Variants in MCMBP observed in about 807,000 individuals in gnomAD.
The protein encoded by MCMBP is mini-chromosome maintenance complex-binding protein.
MCMBP carries 31 observed loss-of-function variants against 81.3 expected under a neutral mutation model. The observed-to-expected ratio is 0.38, with a 90% CI of 0.29 to 0.51. The LOEUF is 0.51. MCMBP is among the 20% of genes least tolerant of loss of function. The probability of loss-of-function intolerance (pLI) is 0.87; values close to 1 mark genes in which losing one functional copy is unlikely to be tolerated. For missense variants in MCMBP, 645 were observed against 772.1 expected (o/e 0.84, Z 1.95); for synonymous variants, 267 against 275.9 (o/e 0.97, Z 0.32).
intron 6 of MCMBP, among the ~76,000 whole-genome samples, chr10:119,849,793 T>C (rs1201723189): frequency 6.6e-6 from 1 of 151,450 alleles, no homozygotes; most frequent in Non-Finnish European, 1.5e-5. Context: ...AAATTTTACT[T>C]TTTTTTCCCT....
chr10:119,851,353 A>G (rs1934606096), intron 6 of MCMBP, among the ~76,000 whole-genome samples: 1 of 152,234 alleles, frequency 6.6e-6, no homozygotes. Context: ...AATAAAAAGT[A>G]GCATCAACTG....
At chr10:119,839,722 T>G (rs1564872648) in intron 11 of MCMBP, among the ~76,000 whole-genome samples, 1 of 152,242 alleles carries the variant, frequency 6.6e-6, no homozygotes, top group Non-Finnish European at 1.5e-5. Context: ...ATGGAAAGTT[T>G]ACGAATAGGA....
intron 12 of MCMBP, among the ~76,000 whole-genome samples, chr10:119,838,230 A>AAATATAT (rs1214780973): frequency 6.7e-6 from 1 of 148,262 alleles, no homozygotes; most frequent in African/African-American, 2.5e-5. Context: ...ATAATATATA[A>AAATATAT]AATATATAAT....
chr10:119,841,750 A>C (rs756602549), intron 10 of MCMBP, among the ~76,000 whole-genome samples: 6 of 152,262 alleles, frequency 3.9e-5, no homozygotes, highest in Admixed American at 1.3e-4. Context: ...ACTAGTTTTA[A>C]AATGAGAAAC....
At chr10:119,841,475 T>C (rs369728264) in intron 10 of MCMBP, among the ~76,000 whole-genome samples, 1 of 152,374 alleles carries the variant, frequency 6.6e-6, no homozygotes, top group African/African-American at 2.4e-5. Flanking sequence ...GGTTACAGTA[T>C]GGTACAACTG....
chr10:119,853,788 A>G (rs1176192159), intron 5 of MCMBP, among the ~76,000 whole-genome samples: 2 of 152,224 alleles, frequency 1.3e-5, no homozygotes, highest in Non-Finnish European at 2.9e-5. Context: ...CTCTGGAAGT[A>G]GTATAATACT....
chr10:119,868,508 T>C (rs948477936), intron 1 of MCMBP, among the ~76,000 whole-genome samples: 4 of 152,188 alleles, frequency 2.6e-5, no homozygotes, highest in Admixed American at 2.6e-4. Flanking sequence ...AATCAGTCTT[T>C]TCACTGCTTT....
Position 119,857,362 on chromosome 10 carries a change from A to G in MCMBP, c.405T>C (p.Pro135=). The G allele has an allele frequency of 2.5e-6, 4 of 1,609,852 alleles. No individual in the cohort carries two copies. The highest frequency in any genetic ancestry group is 2.2e-5 in the South Asian group (2 of 90,652). ...ERQTFYCVPV[P]GESTWVKEAY... Reference sequence around the variant, plus strand: ...TTTCTTTTACCCACGTAGATTCCCCAGGCACCGGAACACAATAGAAAGTCT... The same window carrying G: ...TTTCTTTTACCCACGTAGATTCCCCGGGCACCGGAACACAATAGAAAGTCT... Residue 135 remains proline (P), a synonymous_variant, in exon 5 of 16, where the codon CCT becomes CCC. Coordinates refer to ENST00000369077, the MANE Select transcript of MCMBP (RefSeq NM_001256378.2).
intron 11 of MCMBP, among the ~76,000 whole-genome samples, chr10:119,838,984 A>C (rs963374275): frequency 2.0e-5 from 3 of 152,242 alleles, no homozygotes; most frequent in Admixed American, 2.0e-4. Flanking sequence ...TAACTGACAT[A>C]TAAATATTAA....
rs752090852 is a variant in MCMBP, at chr10:119,857,328, T to A, written c.429+10A>T. 2 of 1,581,324 alleles carry A rather than the reference T, an allele frequency of 1.3e-6. No homozygotes were observed. The highest frequency in any genetic ancestry group is 1.7e-6 in the Non-Finnish European group (2 of 1,155,012). On this transcript the variant is annotated intron_variant, in intron 5 of 15. Coordinates refer to ENST00000369077, the MANE Select transcript of MCMBP (RefSeq NM_001256378.2). ...CATCAACACAGTAAGAAAGTTCAGA[T>A]AAAGGATATTTCTTTTACCCACGTA...
At chr10:119,844,167 T>C (rs1852537569) in intron 8 of MCMBP, among the ~76,000 whole-genome samples, 1 of 152,168 alleles carries the variant, frequency 6.6e-6, no homozygotes, top group African/African-American at 2.4e-5. Flanking sequence ...ATCTCTTATC[T>C]TGCTAATTGT....
chr10:119,873,261 G>C (rs141934452), upstream of MCMBP, among the ~76,000 whole-genome samples: 2 of 152,182 alleles, frequency 1.3e-5, no homozygotes, highest in Admixed American at 1.3e-4. Flanking sequence ...TTTTGCTGAT[G>C]GCAGCACTTT....
At chr10:119,861,206 G>C (rs1184563471) in intron 1 of MCMBP, among the ~76,000 whole-genome samples, 1 of 152,206 alleles carries the variant, frequency 6.6e-6, no homozygotes, top group Non-Finnish European at 1.5e-5. Context: ...CACCATGTTT[G>C]AGCAGGACTT....
chr10:119,868,924 C>G (rs1457284137), intron 1 of MCMBP, among the ~76,000 whole-genome samples: 1 of 152,114 alleles, frequency 6.6e-6, no homozygotes, highest in African/African-American at 2.4e-5. Flanking sequence ...AGGGGGTACG[C>G]AGTGATAAAG....
intron 1 of MCMBP, among the ~76,000 whole-genome samples, chr10:119,871,965 T>C (rs1176399266): frequency 2.0e-5 from 3 of 152,130 alleles, no homozygotes; most frequent in Non-Finnish European, 4.4e-5. Flanking sequence ...ACTAGATGGG[T>C]TCTAAAGTCA....
In MCMBP at chr10:119,835,657, C is replaced by T. The variant is rs1852214670; in HGVS notation, c.1590G>A (p.Met530Ile). Residue 530 changes from methionine to isoleucine, a missense_variant, in exon 14 of 16, where the codon ATG (methionine) becomes ATA (isoleucine). Met to Ile is a conservative substitution (Grantham distance 10). Coordinates refer to ENST00000369077, the MANE Select transcript of MCMBP (RefSeq NM_001256378.2). ...AGAGAAGGCTGTTCATGTACTCCTC[C>T]ATGTTTGGTGGAATTAGCTGGGGCT... ...HLQPQLIPPN[M>I]EEYMNSLLSA... 1 of 1,614,214 alleles carries T rather than the reference C, an allele frequency of 6.2e-7. No homozygotes were observed. The highest frequency in any genetic ancestry group is 8.5e-7 in the Non-Finnish European group (1 of 1,180,032).
intron 1 of MCMBP, among the ~76,000 whole-genome samples, chr10:119,862,104 C>T (rs1210324765): frequency 2.6e-5 from 4 of 152,060 alleles, no homozygotes; most frequent in African/African-American, 7.2e-5. Context: ...GTCAGGAGTT[C>T]GAGACAAGTC....
chr10:119,859,465 G>A (rs897993939), intron 2 of MCMBP, among the ~76,000 whole-genome samples: 1 of 152,088 alleles, frequency 6.6e-6, no homozygotes, highest in Non-Finnish European at 1.5e-5. Flanking sequence ...TGATCAAAAA[G>A]GCATTTACTT....
chr10:119,859,752 T>C (rs760075207), intron 2 of MCMBP, 47 bp downstream of exon 2: 5 of 1,304,358 alleles, frequency 3.8e-6, no homozygotes, highest in East Asian at 2.3e-5. Context: ...TAAGAGAAAC[T>C]GTATAGTCTG....
Sources: gnomAD v4.1 joint callset for allele counts (sites outside exome capture counted in the v4.1 genomes callset) on GRCh38, gnomAD v4.1.1 for gene constraint, MANE v1.5 for transcripts, NCBI Gene and HGNC (gene_info 2026-07-23, HGNC 2026-07-21) for gene names.